Variants in EYS observed in about 807,000 individuals in gnomAD.
EYS encodes the protein protein eyes shut homolog.
In EYS, 250 loss-of-function variants were observed where a neutral mutation model predicts 282.1. The observed-to-expected ratio is 0.89, with a 90% CI of 0.80 to 0.98. The LOEUF (loss-of-function observed/expected upper bound fraction) is 0.98. EYS is among the 50% of genes least tolerant of loss of function. The pLI is 0.00. For missense variants in EYS, 4,016 were observed against 3,709.0 expected (o/e 1.08, Z -2.15); for synonymous variants, 1,355 against 1,282.9 (o/e 1.06, Z -1.20).
At chr6:65,107,213 A>G (rs1775064062) in intron 12 of EYS, among the ~76,000 whole-genome samples, 1 of 151,606 alleles carries the variant, frequency 6.6e-6, no homozygotes, top group South Asian at 2.1e-4. Context: ...CCTTAATTTT[A>G]CCTTCGTCAT....
chr6:64,654,242 C>T (rs1300666156), intron 22 of EYS, among the ~76,000 whole-genome samples: 1 of 152,062 alleles, frequency 6.6e-6, no homozygotes, highest in Non-Finnish European at 1.5e-5. Context: ...TATAAAAGTT[C>T]AATTGTCTAA....
chr6:64,158,021 G>GGGA (rs1263498604), intron 31 of EYS, among the ~76,000 whole-genome samples: 1 of 152,192 alleles, frequency 6.6e-6, no homozygotes, highest in Admixed American at 6.5e-5. Context: ...GAAAGCAGCT[G>GGGA]GGAGGGAGGC....
At chr6:65,593,815 A>G (rs1765313464) in intron 2 of EYS, among the ~76,000 whole-genome samples, 1 of 151,836 alleles carries the variant, frequency 6.6e-6, no homozygotes, top group Non-Finnish European at 1.5e-5. Context: ...ATTTTACTTT[A>G]TAATTATAAT....
At chr6:63,795,978 G>T (rs952054487) in intron 37 of EYS, among the ~76,000 whole-genome samples, 3 of 152,130 alleles carry the variant, frequency 2.0e-5, no homozygotes, top group African/African-American at 7.2e-5. Flanking sequence ...ATTAGAAGTG[G>T]TCTAATTAGT....
intron 28 of EYS, among the ~76,000 whole-genome samples, chr6:64,422,814 T>C (rs1210311825): frequency 6.6e-6 from 1 of 152,194 alleles, no homozygotes; most frequent in African/African-American, 2.4e-5. Context: ...TACAAGTGTA[T>C]CTGAGAGTAT....
At chr6:64,453,038 A>C (rs555074068) in intron 26 of EYS, among the ~76,000 whole-genome samples, 2 of 152,366 alleles carry the variant, frequency 1.3e-5, no homozygotes, top group African/African-American at 4.8e-5. Flanking sequence ...GAGCTTCTGC[A>C]CAGCAAAAGA....
At chr6:64,351,282 T>C (rs143091738) in intron 29 of EYS, among the ~76,000 whole-genome samples, 1 of 151,688 alleles carries the variant, frequency 6.6e-6, no homozygotes, top group Non-Finnish European at 1.5e-5. Context: ...TTTCAGTCTA[T>C]GCAAGTTTTA....
At chr6:63,905,519 A>G (rs1268335934) in intron 35 of EYS, among the ~76,000 whole-genome samples, 2 of 151,570 alleles carry the variant, frequency 1.3e-5, no homozygotes, top group African/African-American at 2.4e-5. Context: ...TTTAGTAGAG[A>G]TGGGGTTTCA....
intron 12 of EYS, among the ~76,000 whole-genome samples, chr6:65,163,524 G>T (rs1335913760): frequency 6.6e-6 from 1 of 151,292 alleles, no homozygotes; most frequent in Admixed American, 6.6e-5. Context: ...CAGTGTACTA[G>T]ATCAATGGTG....
chr6:64,436,258 A>G lies in EYS; in HGVS notation c.5843T>C (p.Phe1948Ser). Residue 1948 changes from phenylalanine to serine, a missense_variant, in exon 28 of 43, where the codon TTT becomes TCT. Coordinates refer to ENST00000503581, the MANE Select transcript of EYS (RefSeq NM_001142800.2). ...FIENGTLKYH[F>S]YCPGEAKFKS... ...AAATTTTGCTTCACCAGGACAGTAAAAGTGGTACTGTTGGGGGAAAAAATT... is the reference window on the plus strand; with the variant it reads ...AAATTTTGCTTCACCAGGACAGTAAGAGTGGTACTGTTGGGGGAAAAAATT... 1 of 1,537,218 alleles carries G rather than the reference A, an allele frequency of 6.5e-7. No homozygotes were observed. The highest frequency in any genetic ancestry group is 8.8e-7 in the Non-Finnish European group (1 of 1,137,988).
intron 20 of EYS, 44 bp downstream of exon 20, chr6:64,822,607 G>A (rs1173791592): frequency 1.4e-6 from 2 of 1,419,156 alleles, no homozygotes; most frequent in Admixed American, 2.7e-5. Flanking sequence ...AATATTGTGA[G>A]TTAAATATAC....
chr6:65,202,950 T>C (rs1765940010), intron 12 of EYS, among the ~76,000 whole-genome samples: 3 of 152,130 alleles, frequency 2.0e-5, no homozygotes, highest in Admixed American at 2.0e-4. Context: ...CTAAGGTTGG[T>C]ACTTGCACCT....
intron 2 of EYS, among the ~76,000 whole-genome samples, chr6:65,524,553 C>T (rs1767488223): frequency 6.6e-6 from 1 of 152,178 alleles, no homozygotes; most frequent in African/African-American, 2.4e-5. Context: ...CTAGCTGGTA[C>T]TGTAACCAGC....
chr6:65,175,518 A>T (rs545197708), intron 12 of EYS, among the ~76,000 whole-genome samples: 2 of 151,454 alleles, frequency 1.3e-5, no homozygotes, highest in East Asian at 3.9e-4. Context: ...CAAAAAAATT[A>T]AAATGAAGAA....
intron 11 of EYS, chr6:65,330,602 C>T: frequency 2.1e-6 from 2 of 960,650 alleles, no homozygotes; most frequent in Non-Finnish European, 2.5e-6. Context: ...TTAATCTGCA[C>T]CCATTTAAAA....
At position 65,072,356 on chromosome 6, in the gene EYS, TAAAC is replaced by T. The variant is rs559017358; in HGVS notation, c.2024-14633_2024-14630del. 5.0e-4 allele frequency among the ~76,000 whole-genome samples: 76 copies of T among 151,286 alleles called. No homozygotes were observed. The South Asian group carries it at 9.6e-3, about 19-fold the overall frequency. ...TGCAAGCAGATATACACCAGAACAA[TAAAC>T]AAACAAACAAACAAAAACAAGAGAA... On this transcript the variant is annotated intron_variant, in intron 12 of 42. Transcript: ENST00000503581.
At position 65,180,902 on chromosome 6, in the gene EYS, G is replaced by A. The variant is rs1371898720; in HGVS notation, c.2023+114961C>T. Among the ~76,000 whole-genome samples, 5 of 151,928 alleles carry A rather than the reference G, an allele frequency of 3.3e-5. No individual in the cohort carries two copies. The East Asian group carries it at 9.7e-4, about 29-fold the overall frequency. On this transcript the variant is annotated intron_variant, in intron 12 of 42. Transcript: ENST00000503581. ...GAACAGAGCCCTCATAAATAATGCT[G>A]CATATCTACAACCATGTGATCTTTG...
chr6:65,000,584 C>T lies in EYS; in HGVS notation c.2138-2881G>A, dbSNP rs1013544020. Among the ~76,000 whole-genome samples the T allele has an allele frequency of 9.2e-5, 14 of 151,994 alleles. 1 individual carries two copies. Among genetic ancestry groups the T allele is most frequent in the Admixed American group, 4.6e-4 (7 of 15,254 alleles). On this transcript the variant is annotated intron_variant, in intron 13 of 42. Coordinates refer to ENST00000503581, the MANE Select transcript of EYS (RefSeq NM_001142800.2). Reference sequence around the variant, plus strand: ...GTCAGGAGTTCAAGACCAGCCTGATCAACATGGTGAAACCCCATCGCTACT... The same window carrying T: ...GTCAGGAGTTCAAGACCAGCCTGATTAACATGGTGAAACCCCATCGCTACT...
chr6:65,213,980 G>A (rs767603735), intron 12 of EYS, among the ~76,000 whole-genome samples: 4 of 151,688 alleles, frequency 2.6e-5, no homozygotes, highest in Non-Finnish European at 4.4e-5. Flanking sequence ...CTAACATGGT[G>A]AAATCCCGTC....
Sources: allele counts gnomAD v4.1 joint callset (sites outside exome capture counted in the v4.1 genomes callset), GRCh38; gene constraint gnomAD v4.1.1; transcripts MANE v1.5; gene names NCBI Gene and HGNC (gene_info 2026-07-23, HGNC 2026-07-21).